GGNBP2: variants seen among roughly 807,000 people sequenced by gnomAD.
The protein encoded by GGNBP2 is gametogenetin-binding protein 2.
GGNBP2 carries 10 observed loss-of-function variants against 85.9 expected under a neutral mutation model. The observed-to-expected ratio is 0.12, with a 90% CI of 0.07 to 0.20. The LOEUF (loss-of-function observed/expected upper bound fraction) is 0.20, where lower values mean the gene tolerates loss of function less well. GGNBP2 is among the 10% of genes least tolerant of loss of function. GGNBP2 has a pLI of 1.00. For synonymous variants in GGNBP2, 287 were observed against 285.7 expected (o/e 1.00, Z -0.05); for missense variants, 595 against 857.8 (o/e 0.69, Z 3.83).
At chr17:36,554,675 C>CATGTACTTG in intron 2 of GGNBP2, 145 bp from the exon 3 acceptor site, 1 of 644,506 alleles carries the variant, frequency 1.6e-6, no homozygotes, top group South Asian at 1.8e-5. Context: ...CGCACCAGGC[C>CATGTACTTG]ATGTACTTGG....
At chr17:36,582,402 TTAAA>T (rs1256088758) in intron 9 of GGNBP2, 1 of 152,132 alleles carries the variant, frequency 6.6e-6, no homozygotes, top group Non-Finnish European at 1.5e-5. Flanking sequence ...TAAAAACTGT[TTAAA>T]TAGTTGTTAT....
At chr17:36,551,615 G>T (rs2074309646) in intron 2 of GGNBP2, among the ~76,000 whole-genome samples, 1 of 151,932 alleles carries the variant, frequency 6.6e-6, no homozygotes, top group Admixed American at 6.6e-5. Context: ...AGGCCTCGGA[G>T]AGTGGATCAC....
Position 36,579,333 on chromosome 17 carries a change from C to A in GGNBP2, c.934C>A (p.Arg312=), listed in dbSNP as rs781279459. 22 of 1,614,074 alleles carry A rather than the reference C, an allele frequency of 1.4e-5. No homozygotes were observed. Among genetic ancestry groups the A allele is most frequent in the Non-Finnish European group, 1.9e-5 (22 of 1,179,946 alleles). The change falls in exon 8 of 14, where the codon CGA becomes AGA. Residue 312 remains arginine (R), a synonymous_variant. Transcript: ENST00000613102. The stretch of plus-strand genomic sequence containing the variant: ...AATTCATCTTTATGAAAGACTGCAT[C>A]GAATCTGGCAGAAGCTACGGGCAGA... The part of the protein sequence containing the change: ...LGIHLYERLH[R]IWQKLRAEEQ...
chr17:36,562,660 C>CA (rs1262604275), intron 5 of GGNBP2, among the ~76,000 whole-genome samples: 1 of 150,646 alleles, frequency 6.6e-6, no homozygotes, highest in Non-Finnish European at 1.5e-5. Context: ...TACCGAGCAA[C>CA]AAAAAATATT....
intron 2 of GGNBP2, among the ~76,000 whole-genome samples, chr17:36,552,469 G>A (rs2074319034): frequency 6.6e-6 from 1 of 152,136 alleles, no homozygotes; most frequent in Admixed American, 6.5e-5. Flanking sequence ...GATAGCTACA[G>A]CATTAAAATA....
intron 13 of GGNBP2, 79 bp from the exon 14 acceptor site, chr17:36,589,129 T>C: frequency 1.0e-6 from 1 of 998,116 alleles, no homozygotes; most frequent in Non-Finnish European, 1.5e-6. Flanking sequence ...TAGACTGGTT[T>C]AATTTTTAGC....
chr17:36,584,479 A>G (rs963420477), intron 9 of GGNBP2, among the ~76,000 whole-genome samples: 1 of 152,156 alleles, frequency 6.6e-6, no homozygotes, highest in Non-Finnish European at 1.5e-5. Context: ...CTGGGATTAC[A>G]TGCGCCTGCC....
chr17:36,571,463 T>G (rs1424948861), intron 6 of GGNBP2, among the ~76,000 whole-genome samples: 1 of 151,734 alleles, frequency 6.6e-6, no homozygotes, highest in Non-Finnish European at 1.5e-5. Context: ...AGCAGGAGAA[T>G]CACTTAACCT....
intron 6 of GGNBP2, chr17:36,576,827 G>T (rs1262719834): frequency 6.6e-6 from 1 of 151,866 alleles, no homozygotes; most frequent in African/African-American, 2.4e-5. Context: ...TCCAGCCTGG[G>T]TGACTCTGAA....
chr17:36,581,499 C>T lies in GGNBP2; in HGVS notation c.1176C>T (p.Pro392=), dbSNP rs773940773. The T allele has an allele frequency of 6.8e-6, 11 of 1,610,072 alleles. No individual in the cohort carries two copies. Among genetic ancestry groups the T allele is most frequent in the Non-Finnish European group, 8.5e-6 (10 of 1,178,824 alleles). ...AGTGTGTGTGTGATATTCCTACTCCCTTACAAACAGCAGATGAAAAGGAAG... is the reference window on the plus strand; with the variant it reads ...AGTGTGTGTGTGATATTCCTACTCCTTTACAAACAGCAGATGAAAAGGAAG... ...KNKCVCDIPT[P]LQTADEKEVS... Residue 392 remains proline, a synonymous_variant, in exon 9 of 14, where the codon CCC becomes CCT. Transcript: ENST00000613102.
intron 7 of GGNBP2, 61 bp from the exon 8 acceptor site, chr17:36,579,184 T>C: frequency 7.0e-7 from 1 of 1,428,566 alleles, no homozygotes; most frequent in Non-Finnish European, 9.8e-7. Context: ...CTTGCAGCTG[T>C]GTTATCCATC....
rs1004091065 is a variant in GGNBP2, at chr17:36,556,489, A to C, written c.175-594A>C. Among the ~76,000 whole-genome samples the C allele has an allele frequency of 3.3e-5, 5 of 152,146 alleles. No homozygotes were observed. The East Asian group carries it at 5.8e-4, about 18-fold the overall frequency. ...GGGAGGCTGAGGCGGGTGGATCACAAGGTCAAAAGATCAAGACCATCCTTG... is the reference window on the plus strand; with the variant it reads ...GGGAGGCTGAGGCGGGTGGATCACACGGTCAAAAGATCAAGACCATCCTTG... On this transcript the variant is annotated intron_variant, in intron 3 of 13. Transcript: ENST00000613102.
intron 2 of GGNBP2, 63 bp from the exon 3 acceptor site, chr17:36,554,757 G>A: frequency 1.9e-6 from 2 of 1,049,514 alleles, no homozygotes; most frequent in Non-Finnish European, 3.0e-6. Context: ...TCTGGAGTTT[G>A]TAGGCTGTAT....
intron 4 of GGNBP2, among the ~76,000 whole-genome samples, chr17:36,558,656 A>G (rs1023647455): frequency 1.7e-4 from 26 of 151,034 alleles, no homozygotes; most frequent in African/African-American, 5.3e-4. Context: ...GGGTTTCGCT[A>G]TGTTGGCCAT....
Position 36,545,822 on chromosome 17 carries a change from G to GCGGGCCGGGC in GGNBP2, c.93+11_93+20dup. On this transcript the variant is annotated splice_donor_region_variant and intron_variant, in intron 2 of 13. Coordinates refer to ENST00000613102, the MANE Select transcript of GGNBP2 (RefSeq NM_024835.5). ...TACATAGACGACACCCTGACGGTGA[G>GCGGGCCGGGC]CGGGCCGGGCCGGGCTGGGCCCGCC... 1 of 1,545,544 alleles carries GCGGGCCGGGC rather than the reference G, an allele frequency of 6.5e-7. No individual in the cohort carries two copies. Among genetic ancestry groups the GCGGGCCGGGC allele is most frequent in the Non-Finnish European group, 8.7e-7 (1 of 1,142,990 alleles).
At chr17:36,560,732 TA>T in intron 4 of GGNBP2, 40 bp from the exon 5 acceptor site, 1 of 1,121,120 alleles carries the variant, frequency 8.9e-7, no homozygotes, top group Non-Finnish European at 1.3e-6. Context: ...AATTTGAAAG[TA>T]AAATGAATTA....
At chr17:36,566,614 G>A (rs953204593) in intron 5 of GGNBP2, among the ~76,000 whole-genome samples, 6 of 152,096 alleles carry the variant, frequency 3.9e-5, no homozygotes, top group African/African-American at 1.4e-4. Context: ...CTGCAGGGGT[G>A]GGGTTGCACT....
chr17:36,558,559 G>A (rs1039456453), intron 4 of GGNBP2, among the ~76,000 whole-genome samples: 9 of 151,050 alleles, frequency 6.0e-5, no homozygotes, highest in African/African-American at 1.9e-4. Flanking sequence ...GGGTTCAAGC[G>A]ATTCTCCTGC....
chr17:36,552,591 C>A lies in GGNBP2; in HGVS notation c.94-2229C>A, dbSNP rs143114062. On this transcript the variant is annotated intron_variant, in intron 2 of 13. Coordinates refer to ENST00000613102, the MANE Select transcript of GGNBP2 (RefSeq NM_024835.5). The stretch of plus-strand genomic sequence containing the variant: ...CTTTATTATTACTTATTGCTACCCC[C>A]CTTTAGAGGTATTAATAAGACTGAG... Among the ~76,000 whole-genome samples the A allele has an allele frequency of 3.3e-4, 51 of 152,256 alleles. No individual in the cohort carries two copies. In the East Asian group the frequency reaches 9.3e-3, roughly 28 times the overall value.
Sources: gnomAD v4.1 joint callset for allele counts (sites outside exome capture counted in the v4.1 genomes callset) on GRCh38, gnomAD v4.1.1 for gene constraint, MANE v1.5 for transcripts, NCBI Gene and HGNC (gene_info 2026-07-23, HGNC 2026-07-21) for gene names.